CAGE1: variants seen among roughly 807,000 people sequenced by gnomAD.
CAGE1 encodes the protein cancer antigen 1, also known as cancer-associated gene 1 protein.
Under a neutral mutation model 94.9 loss-of-function variants are expected in CAGE1, and 66 were observed. The observed-to-expected ratio is 0.70, with a 90% CI of 0.57 to 0.85. The LOEUF is 0.85. Ranked by LOEUF, CAGE1 falls within the 40% of genes least tolerant of loss-of-function variation. The probability of loss-of-function intolerance (pLI) is 0.00; values close to 1 mark genes in which losing one functional copy is unlikely to be tolerated. For missense variants in CAGE1, 865 were observed against 950.4 expected (o/e 0.91, Z 1.18); for synonymous variants, 319 against 321.0 (o/e 0.99, Z 0.07).
At chr6:7,345,176 A>G (rs1171741782) in intron 11 of CAGE1, among the ~76,000 whole-genome samples, 2 of 140,360 alleles carry the variant, frequency 1.4e-5, no homozygotes, top group Admixed American at 7.3e-5. Context: ...GAGCTATGAC[A>G]CTCCTTGTGA....
chr6:7,343,198 A>AAAAAAAAAAAAAAGAAAAGAAAAGAAAAG (rs574460085), intron 11 of CAGE1, among the ~76,000 whole-genome samples: 4 of 137,320 alleles, frequency 2.9e-5, no homozygotes, highest in Non-Finnish European at 4.6e-5. Context: ...CACAAAAAAA[A>AAAAAAAAAAAAAAGAAAAGAAAAGAAAAG]AAAAGAAAAG....
chr6:7,346,000 G>A (rs1759509493), intron 11 of CAGE1, among the ~76,000 whole-genome samples: 2 of 152,126 alleles, frequency 1.3e-5, no homozygotes, highest in Admixed American at 6.5e-5. Flanking sequence ...AATTTTAGCA[G>A]AATCAATAGA....
chr6:7,335,398 G>A (rs1351199061), intron 11 of CAGE1, among the ~76,000 whole-genome samples: 1 of 152,146 alleles, frequency 6.6e-6, no homozygotes, highest in Non-Finnish European at 1.5e-5. Flanking sequence ...AAACTCAAAC[G>A]CCTGTAGAAG....
At chr6:7,359,204 G>A (rs542558739) in intron 9 of CAGE1, among the ~76,000 whole-genome samples, 13 of 152,230 alleles carry the variant, frequency 8.5e-5, no homozygotes, top group Middle Eastern at 3.4e-3. Flanking sequence ...GTGCCACCAT[G>A]CCCGGCTAAT....
At chr6:7,333,616 T>G (rs1300334182) in intron 12 of CAGE1, among the ~76,000 whole-genome samples, 1 of 146,264 alleles carries the variant, frequency 6.8e-6, no homozygotes, top group Non-Finnish European at 1.5e-5. Flanking sequence ...TTTTTTTAAG[T>G]ATTATCTAAC....
chr6:7,353,876 T>C lies in CAGE1; in HGVS notation c.2369+1165A>G, dbSNP rs147094897. On this transcript the variant is annotated intron_variant, in intron 11 of 13. Coordinates refer to ENST00000502583, the MANE Select transcript of CAGE1 (RefSeq NM_001170692.2). The stretch of plus-strand genomic sequence containing the variant: ...CAAACATCGTATGTTCTCACTGATA[T>C]GTGGGAGCTAAGCTATGAGGACACA... Among the ~76,000 whole-genome samples, 10 of 152,124 alleles carry C rather than the reference T, an allele frequency of 6.6e-5. 1 individual carries two copies. The highest frequency in any genetic ancestry group is 2.0e-4 in the Admixed American group (3 of 15,278).
intron 9 of CAGE1, among the ~76,000 whole-genome samples, chr6:7,359,609 C>T (rs1456249772): frequency 1.3e-5 from 2 of 152,144 alleles, no homozygotes; most frequent in African/African-American, 2.4e-5. Flanking sequence ...AGCTGCTCCC[C>T]GGGCAGTGTG....
At chr6:7,366,530 G>A (rs1161726745) in intron 7 of CAGE1, among the ~76,000 whole-genome samples, 1 of 152,142 alleles carries the variant, frequency 6.6e-6, no homozygotes, top group East Asian at 1.9e-4. Flanking sequence ...ATTTTGGTAC[G>A]CACTAGGCAG....
chr6:7,340,801 C>T (rs1487787240), intron 11 of CAGE1: 1 of 391,476 alleles, frequency 2.6e-6, no homozygotes, highest in Non-Finnish European at 4.9e-6. Context: ...GGCAGACAGT[C>T]TACTCCCTCA....
intron 11 of CAGE1, chr6:7,341,188 T>C: frequency 4.8e-6 from 3 of 629,826 alleles, no homozygotes; most frequent in Non-Finnish European, 8.8e-6. Context: ...TTCTGTGTTC[T>C]GGAGCAGTTG....
At chr6:7,370,215 T>A in intron 5 of CAGE1, 150 bp from the exon 6 acceptor site, 1 of 524,266 alleles carries the variant, frequency 1.9e-6, no homozygotes, top group Non-Finnish European at 3.3e-6. Flanking sequence ...AAATTAAAAC[T>A]GAGAATATTT....
At chr6:7,341,422 T>G (rs1023614674) in intron 11 of CAGE1, 1 of 934,900 alleles carries the variant, frequency 1.1e-6, no homozygotes, top group Non-Finnish European at 1.7e-6. Flanking sequence ...AAAACACAGA[T>G]AGCATGTAAA....
intron 13 of CAGE1, among the ~76,000 whole-genome samples, chr6:7,327,990 A>C (rs1758594922): frequency 1.3e-5 from 2 of 152,184 alleles, no homozygotes; most frequent in Admixed American, 6.6e-5. Context: ...GCACCCTCTT[A>C]GTTCAACTAT....
At chr6:7,358,071 TGCCTCCA>T (rs1760042391) in intron 9 of CAGE1, among the ~76,000 whole-genome samples, 1 of 121,850 alleles carries the variant, frequency 8.2e-6, no homozygotes, top group African/African-American at 3.0e-5. Flanking sequence ...TATATATATA[TGCCTCCA>T]AAACCATCAC....
intron 2 of CAGE1, among the ~76,000 whole-genome samples, chr6:7,386,633 C>A (rs1282121193): frequency 1.3e-5 from 2 of 152,168 alleles, no homozygotes; most frequent in Admixed American, 6.5e-5. Flanking sequence ...CTCGCATAGG[C>A]TGGAGTGCAG....
chr6:7,371,796 A>G (rs1436013737), intron 5 of CAGE1, among the ~76,000 whole-genome samples: 1 of 152,190 alleles, frequency 6.6e-6, no homozygotes, highest in Non-Finnish European at 1.5e-5. Flanking sequence ...TAATAGATAA[A>G]TAAATAAAAC....
At chr6:7,330,161 G>A (rs1425677352) in intron 12 of CAGE1, among the ~76,000 whole-genome samples, 1 of 152,162 alleles carries the variant, frequency 6.6e-6, no homozygotes, top group Non-Finnish European at 1.5e-5. Flanking sequence ...GCCCAGGTGG[G>A]TGGATCACTT....
chr6:7,332,233 G>T (rs558577027), intron 12 of CAGE1, among the ~76,000 whole-genome samples: 1 of 152,080 alleles, frequency 6.6e-6, no homozygotes, highest in African/African-American at 2.4e-5. Context: ...TACTTGGCTG[G>T]GTGGCTTCAG....
chr6:7,335,636 G>A (rs184251737), intron 11 of CAGE1, among the ~76,000 whole-genome samples: 13 of 152,356 alleles, frequency 8.5e-5, no homozygotes, highest in Middle Eastern at 6.8e-3. Flanking sequence ...CTGGAATATA[G>A]TGGTGCAATC....
Sources: allele counts gnomAD v4.1 joint callset (sites outside exome capture counted in the v4.1 genomes callset), GRCh38; gene constraint gnomAD v4.1.1; transcripts MANE v1.5; gene names NCBI Gene and HGNC (gene_info 2026-07-23, HGNC 2026-07-21).